Variants in GSR observed in about 807,000 individuals in gnomAD.
GSR encodes glutathione reductase, mitochondrial.
GSR carries 48 observed loss-of-function variants against 56.5 expected under a neutral mutation model. The observed-to-expected ratio is 0.85, with a 90% CI of 0.67 to 1.08. GSR has a LOEUF of 1.08. Ranked by LOEUF, GSR falls within the 50% of genes least tolerant of loss-of-function variation. The probability of loss-of-function intolerance (pLI) is 0.00; values close to 1 mark genes in which losing one functional copy is unlikely to be tolerated. For missense variants in GSR, 694 were observed against 703.3 expected (o/e 0.99, Z 0.15); for synonymous variants, 264 against 270.8 (o/e 0.97, Z 0.25).
intron 9 of GSR, among the ~76,000 whole-genome samples, chr8:30,684,748 GT>G (rs376303113): frequency 1.3e-5 from 2 of 151,736 alleles, no homozygotes; most frequent in South Asian, 2.1e-4. Context: ...GCATATCTAT[GT>G]TTATTTAGTT....
rs1371317173 is a variant in GSR, at chr8:30,679,191, G to A, written c.*329C>T. On this transcript the variant is annotated 3_prime_UTR_variant, in exon 13 of 13. Coordinates refer to ENST00000221130, the MANE Select transcript of GSR (RefSeq NM_000637.5). ...AAAGTAGCAAGTTCTATTCATTCAA[G>A]TACATTAAGTTAATTGTACTTCACA... The A allele has an allele frequency of 1.2e-5, 3 of 247,072 alleles. No individual in the cohort carries two copies. The highest frequency in any genetic ancestry group is 1.5e-5 in the Non-Finnish European group (2 of 129,346). The allele number at this position is 247,072 out of a possible 1,614,324, so 15.3% of individuals were successfully genotyped here. A position where few individuals can be genotyped will look rare whatever the true frequency, so the allele number is the denominator to read the frequency against.
At chr8:30,714,771 G>T (rs902008538) in intron 1 of GSR, among the ~76,000 whole-genome samples, 5 of 152,128 alleles carry the variant, frequency 3.3e-5, no homozygotes, top group African/African-American at 1.2e-4. Context: ...GAGATCAAGT[G>T]ATTCTCCTGC....
intron 7 of GSR, among the ~76,000 whole-genome samples, chr8:30,693,674 G>A (rs1464429917): frequency 6.6e-6 from 1 of 152,038 alleles, no homozygotes; most frequent in African/African-American, 2.4e-5. Flanking sequence ...GATTACAGGC[G>A]CCCACCACCA....
chr8:30,722,998 T>A (rs77847485), intron 1 of GSR, among the ~76,000 whole-genome samples: 2,053 of 152,248 alleles, frequency 0.013, 46 homozygotes, highest in African/African-American at 0.043. Flanking sequence ...CATGAACTTT[T>A]GTCACATGAT....
chr8:30,682,124 C>T, intron 10 of GSR, 63 bp from the exon 11 acceptor site: 1 of 1,350,882 alleles, frequency 7.4e-7, no homozygotes. Flanking sequence ...CTAAATTGTT[C>T]CACTAGCCAT....
chr8:30,680,220 C>T (rs919344097), intron 12 of GSR, among the ~76,000 whole-genome samples: 16 of 151,972 alleles, frequency 1.1e-4, no homozygotes, highest in African/African-American at 3.9e-4. Flanking sequence ...TTCATGGCAC[C>T]ACCATGCCCG....
Position 30,693,399 on chromosome 8 carries a change from T to C in GSR, c.796-344A>G, listed in dbSNP as rs8191003. 2.0e-3 allele frequency among the ~76,000 whole-genome samples: 311 copies of C among 152,264 alleles called. 3 individuals carry two copies. The highest frequency in any genetic ancestry group is 0.011 in the Admixed American group (161 of 15,278). On this transcript the variant is annotated intron_variant, in intron 7 of 12. Transcript: ENST00000221130. The stretch of plus-strand genomic sequence containing the variant: ...AAGGTCTGCTTTCCCTCTGATATGA[T>C]TGAAGGGAAGATTTACTAGCAAAAT...
chr8:30,726,249 G>A (rs8190895), intron 1 of GSR, among the ~76,000 whole-genome samples: 15,672 of 152,116 alleles, frequency 0.1, 2,460 homozygotes, highest in African/African-American at 0.34. Flanking sequence ...AGTGCTTATT[G>A]AGCAAGGGAT....
chr8:30,697,153 T>A (rs969983052), intron 6 of GSR, among the ~76,000 whole-genome samples: 1 of 152,048 alleles, frequency 6.6e-6, no homozygotes, highest in African/African-American at 2.4e-5. Context: ...CGGTGGCTCA[T>A]GCCCATAATC....
chr8:30,683,436 G>A (rs778841375), intron 10 of GSR, among the ~76,000 whole-genome samples: 5 of 152,126 alleles, frequency 3.3e-5, no homozygotes, highest in Non-Finnish European at 7.3e-5. Context: ...CTTAGGAAGC[G>A]GGCTGAGGTG....
At chr8:30,695,794 C>G (rs189040896) in intron 7 of GSR, among the ~76,000 whole-genome samples, 60 of 152,164 alleles carry the variant, frequency 3.9e-4, no homozygotes, top group African/African-American at 1.3e-3. Flanking sequence ...AATCCCAGCA[C>G]TTTGGGAGGT....
intron 5 of GSR, among the ~76,000 whole-genome samples, chr8:30,700,809 C>T (rs1239593072): frequency 1.4e-5 from 2 of 146,846 alleles, no homozygotes; most frequent in African/African-American, 2.5e-5. Context: ...ATATGGTGTA[C>T]ACATTGAATT....
chr8:30,713,839 C>T (rs986326872), intron 1 of GSR, among the ~76,000 whole-genome samples: 7 of 152,118 alleles, frequency 4.6e-5, no homozygotes, highest in Admixed American at 2.6e-4. Flanking sequence ...ATTATGCTCC[C>T]GTGTCCAAAG....
intron 5 of GSR, among the ~76,000 whole-genome samples, chr8:30,700,987 A>G (rs1803717745): frequency 6.6e-6 from 1 of 152,012 alleles, no homozygotes; most frequent in African/African-American, 2.4e-5. Context: ...TCGCCACACA[A>G]TTTTACATTG....
intron 7 of GSR, 44 bp downstream of exon 7, chr8:30,696,336 T>A (rs1209350034): frequency 2.3e-6 from 3 of 1,282,992 alleles, no homozygotes; most frequent in South Asian, 1.2e-5. Context: ...CTTCATTTTT[T>A]AAATTAACAT....
Position 30,727,803 on chromosome 8 carries a change from G to A in GSR, c.33C>T (p.Gly11=). ...CCGCCCGCCGCCAGCTCGGTCCCGCGCCGGCGCTCAGGGCTCGGGGCAGCA... is the reference window on the plus strand; with the variant it reads ...CCGCCCGCCGCCAGCTCGGTCCCGCACCGGCGCTCAGGGCTCGGGGCAGCA... MALLPRALSA[G]AGPSWRRAAR... is the part of the protein sequence containing the mutation. The change falls in exon 1 of 13, where the codon GGC becomes GGT. Residue 11 remains glycine, a synonymous_variant. Transcript: ENST00000221130. The A allele has an allele frequency of 7.6e-7, 1 of 1,313,708 alleles. No homozygotes were observed. 81.4% of individuals were successfully genotyped at this position (1,313,708 alleles called of 1,614,324 possible).
In GSR at chr8:30,703,133, T is replaced by C. The variant is rs755557534; in HGVS notation, c.600A>G (p.Thr200=). Residue 200 remains threonine (T), a synonymous_variant, in exon 5 of 13, where the codon ACA becomes ACG. Transcript: ENST00000221130. ...CATGAGGGGTGGAGGGCATACCACC[T>C]GTGGCGATCAGGATGTGTGGGGCGG... ...KYTAPHILIA[T]GGMPSTPHES... is the part of the protein sequence containing the mutation. The C allele has an allele frequency of 1.2e-6, 2 of 1,614,118 alleles. No homozygotes were observed. Among genetic ancestry groups the C allele is most frequent in the East Asian group, 2.2e-5 (1 of 44,880 alleles).
intron 5 of GSR, 54 bp from the exon 6 acceptor site, chr8:30,700,189 G>A: frequency 7.2e-6 from 9 of 1,241,788 alleles, no homozygotes; most frequent in Non-Finnish European, 1.1e-5. Context: ...CTCTTGCAAA[G>A]TAATCACAAC....
At chr8:30,705,787 T>C (rs1803899185) in intron 4 of GSR, among the ~76,000 whole-genome samples, 1 of 152,166 alleles carries the variant, frequency 6.6e-6, no homozygotes, top group Non-Finnish European at 1.5e-5. Flanking sequence ...CTGCCAGTGT[T>C]ACTCTATACT....
Sources: allele counts gnomAD v4.1 joint callset (sites outside exome capture counted in the v4.1 genomes callset), GRCh38; gene constraint gnomAD v4.1.1; transcripts MANE v1.5; gene names NCBI Gene and HGNC (gene_info 2026-07-23, HGNC 2026-07-21).